CFAP20DC: variants seen among roughly 807,000 people sequenced by gnomAD.
CFAP20DC encodes the protein protein CFAP20DC.
In CFAP20DC, 84 loss-of-function variants were observed where a neutral mutation model predicts 101.7. That is an observed-to-expected ratio of 0.83 (90% CI 0.69 to 0.99). The LOEUF (loss-of-function observed/expected upper bound fraction) is 0.99, where lower values mean the gene tolerates loss of function less well. Ranked by LOEUF, CFAP20DC falls within the 50% of genes least tolerant of loss-of-function variation. The pLI is 0.00. For synonymous variants in CFAP20DC, 359 were observed against 351.2 expected, an observed-to-expected ratio of 1.02 and a Z score of -0.25; for missense variants, 1,007 against 970.3, an observed-to-expected ratio of 1.04 and a Z score of -0.50.
chr3:58,892,694 A>G lies in CFAP20DC; in HGVS notation c.551-7985T>C, dbSNP rs1309682219. ...TTGCACATTTATTTTGTATCCTGAGATTTTGCAGAAGTTGCTTATCAGCTT... is the reference window on the plus strand; with the variant it reads ...TTGCACATTTATTTTGTATCCTGAGGTTTTGCAGAAGTTGCTTATCAGCTT... On this transcript the variant is annotated intron_variant, in intron 6 of 16. Transcript: ENST00000482387. The surrounding 1 kb of genome is among the most constrained non-coding windows in gnomAD (Gnocchi z 4.0). Among the ~76,000 whole-genome samples the G allele has an allele frequency of 6.6e-6, 1 of 152,168 alleles. No individual in the cohort carries two copies. The highest frequency in any genetic ancestry group is 1.5e-5 in the Non-Finnish European group (1 of 68,040).
At chr3:58,816,169 A>G (rs1195340494) in intron 14 of CFAP20DC, among the ~76,000 whole-genome samples, 1 of 151,982 alleles carries the variant, frequency 6.6e-6, no homozygotes, top group African/African-American at 2.4e-5. Context: ...ACCATGGAAT[A>G]CTATGCAGCC....
chr3:58,843,376 C>G (rs2077326101), intron 13 of CFAP20DC, among the ~76,000 whole-genome samples: 1 of 152,054 alleles, frequency 6.6e-6, no homozygotes, highest in Admixed American at 6.6e-5. Flanking sequence ...GCAGAAGCCT[C>G]AGGAGCCCAT....
At position 59,047,185 on chromosome 3, in the gene CFAP20DC, T is replaced by A. The variant is rs1479840684; in HGVS notation, c.91A>T (p.Ser31Cys). Residue 31 changes from serine to cysteine, a missense_variant, in exon 2 of 17, where the codon AGT (serine) becomes TGT (cysteine). By Grantham distance (112) the Ser-to-Cys change is moderately radical. Transcript: ENST00000482387. ...NPGAKWKILG[S>C]PSVIWKEFDK... ...CTTACTTTCCAAATCACAGATGGAC[T>A]ACCAAGGATCTTCCATTTTGCTCCA... The A allele has an allele frequency of 6.5e-7, 1 of 1,534,312 alleles. No homozygotes were observed. The highest frequency in any genetic ancestry group is 1.4e-5 in the African/African-American group (1 of 73,016).
At chr3:58,747,358 C>G (rs1559537042) in intron 16 of CFAP20DC, among the ~76,000 whole-genome samples, 4 of 152,060 alleles carry the variant, frequency 2.6e-5, no homozygotes, top group Admixed American at 1.3e-4. Context: ...AATAATCCCT[C>G]CAGTTCACCT....
intron 6 of CFAP20DC, among the ~76,000 whole-genome samples, chr3:58,911,360 T>A (rs981463814): frequency 6.6e-6 from 1 of 152,214 alleles, no homozygotes; most frequent in Non-Finnish European, 1.5e-5. Context: ...ATGAAATATG[T>A]ACTATGTGAT....
At chr3:58,745,315 G>A (rs1259979376) in intron 16 of CFAP20DC, among the ~76,000 whole-genome samples, 1 of 152,174 alleles carries the variant, frequency 6.6e-6, no homozygotes, top group African/African-American at 2.4e-5. Flanking sequence ...ATTAGTATCT[G>A]CTATGTGATT....
chr3:59,027,931 C>T (rs867215224), intron 4 of CFAP20DC, among the ~76,000 whole-genome samples: 17 of 152,124 alleles, frequency 1.1e-4, no homozygotes, highest in Admixed American at 6.6e-4. Context: ...CACAGTTACA[C>T]TAAAATATTT....
At chr3:58,778,465 T>A (rs1249105518) in intron 15 of CFAP20DC, among the ~76,000 whole-genome samples, 1 of 152,228 alleles carries the variant, frequency 6.6e-6, no homozygotes, top group Non-Finnish European at 1.5e-5. Flanking sequence ...ATATGGGGAC[T>A]GACTACTGCT....
chr3:58,942,966 G>A (rs1316189077), intron 4 of CFAP20DC, among the ~76,000 whole-genome samples: 1 of 152,180 alleles, frequency 6.6e-6, no homozygotes. Flanking sequence ...CAGGAATTTC[G>A]AACTGGGCAG....
At chr3:58,906,289 A>G (rs1206072171) in intron 6 of CFAP20DC, among the ~76,000 whole-genome samples, 2 of 152,134 alleles carry the variant, frequency 1.3e-5, no homozygotes, top group African/African-American at 4.8e-5. Context: ...GACCAAGGAC[A>G]CTCAATTTGT....
Position 58,892,426 on chromosome 3 carries a change from G to A in CFAP20DC, c.551-7717C>T, listed in dbSNP as rs894040789. ...CTGAATCTATAAATTACTTTGAGCA[G>A]TATGGCCATTTTCATGATATTGATT... On this transcript the variant is annotated intron_variant, in intron 6 of 16. Transcript: ENST00000482387. This position sits in a 1 kb window ranked among gnomAD's most constrained non-coding sequence, Gnocchi z 4.0. 2.6e-5 allele frequency among the ~76,000 whole-genome samples: 4 copies of A among 152,200 alleles called. No individual in the cohort carries two copies. Among genetic ancestry groups the A allele is most frequent in the Non-Finnish European group, 5.9e-5 (4 of 68,036 alleles).
At chr3:58,848,363 T>G (rs1410987692) in intron 13 of CFAP20DC, among the ~76,000 whole-genome samples, 1 of 152,150 alleles carries the variant, frequency 6.6e-6, no homozygotes, top group South Asian at 2.1e-4. Context: ...ATTTAGGACA[T>G]GAAACATAGA....
At chr3:58,948,258 C>T (rs1283868118) in intron 4 of CFAP20DC, among the ~76,000 whole-genome samples, 1 of 152,202 alleles carries the variant, frequency 6.6e-6, no homozygotes, top group Non-Finnish European at 1.5e-5. Flanking sequence ...TATGCACTTC[C>T]CTTGGAAAGC....
intron 6 of CFAP20DC, among the ~76,000 whole-genome samples, chr3:58,900,074 T>C (rs1162658241): frequency 6.6e-6 from 1 of 152,012 alleles, no homozygotes; most frequent in African/African-American, 2.4e-5. Context: ...TTAAGTTGAG[T>C]CATAAAAGAT....
At chr3:58,730,936 C>T (rs143586453) in intron 3 of CFAP20DC, among the ~76,000 whole-genome samples, 1,711 of 152,198 alleles carry the variant, frequency 0.011, 41 homozygotes, top group African/African-American at 0.038. Flanking sequence ...GGAGAAAACA[C>T]GGATGCCTCT....
At chr3:58,860,780 T>G (rs2079182226) in intron 12 of CFAP20DC, among the ~76,000 whole-genome samples, 1 of 152,212 alleles carries the variant, frequency 6.6e-6, no homozygotes, top group South Asian at 2.1e-4. Context: ...TTTCGTTTCT[T>G]TCAGATGTTG....
intron 14 of CFAP20DC, among the ~76,000 whole-genome samples, chr3:58,826,641 G>T (rs1207034573): frequency 1.3e-5 from 2 of 152,092 alleles, no homozygotes; most frequent in Non-Finnish European, 2.9e-5. Flanking sequence ...AAACTCATCC[G>T]TAAACAAGGA....
At chr3:58,856,595 A>G (rs910058536) in intron 12 of CFAP20DC, among the ~76,000 whole-genome samples, 1 of 152,236 alleles carries the variant, frequency 6.6e-6, no homozygotes, top group Non-Finnish European at 1.5e-5. Flanking sequence ...GCCTTCAGGC[A>G]GAAAACTCGA....
intron 16 of CFAP20DC, among the ~76,000 whole-genome samples, chr3:58,743,067 C>T (rs1353600840): frequency 6.6e-6 from 1 of 152,128 alleles, no homozygotes; most frequent in Non-Finnish European, 1.5e-5. Flanking sequence ...CTATAAGATA[C>T]ATAGAACAGA....
Sources: gnomAD v4.1 joint callset for allele counts (sites outside exome capture counted in the v4.1 genomes callset) on GRCh38, gnomAD v4.1.1 for gene constraint, Gnocchi (gnomAD v3.1) non-coding constraint, MANE v1.5 for transcripts, NCBI Gene and HGNC (gene_info 2026-07-23, HGNC 2026-07-21) for gene names.